The following FNDC1 variants were observed in gnomAD, a reference collection of about 807,000 sequenced individuals.
FNDC1 encodes the protein fibronectin type III domain containing 1, also known as fibronectin type III domain-containing protein 1.
In FNDC1, 96 loss-of-function variants were observed where a neutral mutation model predicts 168.0. The observed-to-expected ratio is 0.57, with a 90% confidence interval of 0.48 to 0.68. The LOEUF (loss-of-function observed/expected upper bound fraction) is 0.68. Ranked by LOEUF, FNDC1 falls within the 30% of genes least tolerant of loss-of-function variation. The pLI is 0.00. For synonymous variants in FNDC1, 1,099 were observed against 1,025.9 expected (o/e 1.07, Z -1.36); for missense variants, 2,587 against 2,482.1 (o/e 1.04, Z -0.90).
intron 19 of FNDC1, among the ~76,000 whole-genome samples, chr6:159,262,242 C>T (rs879758004): frequency 6.6e-6 from 1 of 152,216 alleles, no homozygotes; most frequent in Non-Finnish European, 1.5e-5. Flanking sequence ...GCCAGCCCTG[C>T]ACCCAGCTTC....
chr6:159,234,571 C>A, intron 11 of FNDC1, 92 bp downstream of exon 11: 3 of 1,153,716 alleles, frequency 2.6e-6, no homozygotes, highest in Admixed American at 2.1e-5. Context: ...CATTTAGCAC[C>A]TACTATGTCC....
chr6:159,238,741 C>T (rs1223785599), intron 13 of FNDC1, 76 bp downstream of exon 13: 4 of 981,892 alleles, frequency 4.1e-6, no homozygotes, highest in South Asian at 1.6e-5. Context: ...CTTCCTTCTC[C>T]CCCTCATTTA....
chr6:159,197,081 C>T (rs1161813478), intron 1 of FNDC1, among the ~76,000 whole-genome samples: 2 of 152,144 alleles, frequency 1.3e-5, no homozygotes, highest in Admixed American at 1.3e-4. Context: ...AACTTATTTA[C>T]TATATAAATG....
chr6:159,192,543 A>T (rs1324581405), intron 1 of FNDC1, among the ~76,000 whole-genome samples: 1 of 152,238 alleles, frequency 6.6e-6, no homozygotes, highest in Non-Finnish European at 1.5e-5. Flanking sequence ...ACACTGAAGG[A>T]TGATGCTGAA....
At chr6:159,218,931 C>T (rs922698028) in intron 5 of FNDC1, among the ~76,000 whole-genome samples, 3 of 152,048 alleles carry the variant, frequency 2.0e-5, no homozygotes, top group Non-Finnish European at 2.9e-5. Flanking sequence ...ATTTGTGCCA[C>T]GTCCATTACA....
chr6:159,250,991 G>A (rs1410133475), intron 16 of FNDC1, among the ~76,000 whole-genome samples: 3 of 152,226 alleles, frequency 2.0e-5, no homozygotes, highest in Non-Finnish European at 4.4e-5. Flanking sequence ...GCACAGGAAT[G>A]GCAGCGAGCT....
At chr6:159,269,495 T>TACCC (rs1777686034) in intron 22 of FNDC1, among the ~76,000 whole-genome samples, 1 of 59,274 alleles carries the variant, frequency 1.7e-5, no homozygotes, top group Non-Finnish European at 3.8e-5. Flanking sequence ...TCTATCTATC[T>TACCC]ATCTATCCAT....
Position 159,169,654 on chromosome 6 carries a change from C to G in FNDC1, c.58C>G (p.Leu20Val). ...GCCGCGCCGGCTGTCCTGGGCGGCG[C>G]TGCTGCTCTTGGCCGCGCTGCTCCC... is the stretch of plus-strand genomic sequence containing the variant. Reference protein sequence around the residue: ...RAPRRLSWAALLLLAALLPVA... With the variant: ...RAPRRLSWAAVLLLAALLPVA... The change falls in exon 1 of 23, where the codon CTG (leucine) becomes GTG (valine). Residue 20 changes from leucine to valine, a missense_variant. Coordinates refer to ENST00000297267, the MANE Select transcript of FNDC1 (RefSeq NM_032532.3). This position sits in a 1 kb window ranked among gnomAD's most constrained non-coding sequence, Gnocchi z 6.8. 8.6e-7 allele frequency: 1 copy of G among 1,164,186 alleles called. No individual in the cohort carries two copies. Among genetic ancestry groups the G allele is most frequent in the Non-Finnish European group, 1.1e-6 (1 of 945,582 alleles). 72.1% of individuals were successfully genotyped at this position (1,164,186 alleles called of 1,614,324 possible). A position where few individuals can be genotyped will look rare whatever the true frequency, so the allele number is the denominator to read the frequency against.
intron 10 of FNDC1, 90 bp from the exon 11 acceptor site, chr6:159,231,792 C>A (rs1047596295): frequency 1.7e-5 from 18 of 1,052,466 alleles, no homozygotes; most frequent in Non-Finnish European, 2.2e-5. Flanking sequence ...TTTGAAATGC[C>A]TCCATATGCT....
intron 11 of FNDC1, 27 bp from the exon 12 acceptor site, chr6:159,236,188 G>T (rs1562302944): frequency 6.4e-7 from 1 of 1,554,756 alleles, no homozygotes; most frequent in Non-Finnish European, 8.8e-7. Context: ...ACCAGGCTCT[G>T]TTATTTTTAT....
chr6:159,194,547 C>G (rs1362069430), intron 1 of FNDC1, among the ~76,000 whole-genome samples: 1 of 152,204 alleles, frequency 6.6e-6, no homozygotes, highest in Non-Finnish European at 1.5e-5. Flanking sequence ...TATCAGAGTG[C>G]TGATTCCATA....
chr6:159,190,191 G>A (rs899761795), intron 1 of FNDC1, among the ~76,000 whole-genome samples: 5 of 152,324 alleles, frequency 3.3e-5, no homozygotes, highest in East Asian at 3.9e-4. Flanking sequence ...TAGGTTGACC[G>A]TTGCACCCAG....
At chr6:159,261,929 C>A (rs1245566998) in intron 19 of FNDC1, among the ~76,000 whole-genome samples, 1 of 142,338 alleles carries the variant, frequency 7.0e-6, no homozygotes, top group Admixed American at 7.6e-5. Flanking sequence ...CAGGGAGGTC[C>A]TGTTTCTACA....
In FNDC1 at chr6:159,225,739, G is replaced by A; in HGVS notation, c.1072+17G>A. 1 of 1,567,698 alleles carries A rather than the reference G, an allele frequency of 6.4e-7. No homozygotes were observed. Among genetic ancestry groups the A allele is most frequent in the Non-Finnish European group, 8.7e-7 (1 of 1,149,536 alleles). ...CAGAATCTGGTCTGTATTTGAAATG[G>A]CCTTTGAATTTTCAATTTGGGAATT... On this transcript the variant is annotated intron_variant, in intron 8 of 22. Transcript: ENST00000297267.
rs532191873 is a variant in FNDC1, at chr6:159,233,465, C to G, written c.2953C>G (p.Arg985Gly). ...HASPARPPAA[R>G]SQQHPSVPRR... ...GTCCCCTGCTCGTCCGCCCGCAGCA[C>G]GGTCACAGCAGCATCCCAGTGTTCC... Residue 985 changes from arginine to glycine, a missense_variant, in exon 11 of 23, where the codon CGG becomes GGG. Physicochemically the swap from Arg to Gly is moderately radical, Grantham distance 125 (BLOSUM62 -2). Coordinates refer to ENST00000297267, the MANE Select transcript of FNDC1 (RefSeq NM_032532.3). This position sits in a 1 kb window ranked among gnomAD's most constrained non-coding sequence, Gnocchi z 4.6. 61 of 1,606,554 alleles carry G rather than the reference C, an allele frequency of 3.8e-5. No homozygotes were observed. The East Asian group carries it at 1.3e-3, about 34-fold the overall frequency.
chr6:159,231,771 A>G, intron 10 of FNDC1, 111 bp from the exon 11 acceptor site: 1 of 803,088 alleles, frequency 1.2e-6, no homozygotes. Flanking sequence ...GTTAGCCATT[A>G]TGACTACTGA....
chr6:159,254,777 T>A (rs1777339303), intron 17 of FNDC1, among the ~76,000 whole-genome samples: 1 of 151,698 alleles, frequency 6.6e-6, no homozygotes, highest in Non-Finnish European at 1.5e-5. Context: ...AATCTGGCCC[T>A]TGTCTGTGTT....
intron 4 of FNDC1, among the ~76,000 whole-genome samples, chr6:159,210,282 C>T (rs557334503): frequency 1.6e-4 from 25 of 152,184 alleles, no homozygotes; most frequent in African/African-American, 5.8e-4. Context: ...AGAGCTGCTA[C>T]GGAGAGAGCT....
Position 159,200,552 on chromosome 6 carries a change from G to A in FNDC1, c.431G>A (p.Gly144Asp). The A allele has an allele frequency of 6.3e-7, 1 of 1,599,160 alleles. No homozygotes were observed. The highest frequency in any genetic ancestry group is 1.1e-5 in the South Asian group (1 of 87,940). ...WIEIDGFPIKGPGPFNETVTE... is the reference protein window; with the variant it reads ...WIEIDGFPIKDPGPFNETVTE... ...GAGATTGATGGTTTTCCCATTAAGG[G>A]TCCAGGACCATTTAATGAAACCGTC... The change falls in exon 4 of 23, where the codon GGT becomes GAT. Residue 144 changes from glycine (G) to aspartate (D), a missense_variant. Gly to Asp is a moderately conservative substitution (Grantham distance 94). Transcript: ENST00000297267.
Sources: gnomAD v4.1 joint callset for allele counts (sites outside exome capture counted in the v4.1 genomes callset) on GRCh38, gnomAD v4.1.1 for gene constraint, Gnocchi (gnomAD v3.1) non-coding constraint, MANE v1.5 for transcripts, NCBI Gene and HGNC (gene_info 2026-07-23, HGNC 2026-07-21) for gene names.